Variants in ENTHD1 observed in about 807,000 individuals in gnomAD.
The protein encoded by ENTHD1 is ENTH domain-containing protein 1.
In ENTHD1, 23 loss-of-function variants were observed where a neutral mutation model predicts 39.1. The observed-to-expected ratio is 0.59, with a 90% CI of 0.42 to 0.83. The LOEUF (loss-of-function observed/expected upper bound fraction) is 0.83, where lower values mean the gene tolerates loss of function less well. Among genes scored for constraint, ENTHD1 ranks in the 40% least tolerant of loss-of-function variants. The probability of loss-of-function intolerance (pLI) is 0.00; values close to 1 mark genes in which losing one functional copy is unlikely to be tolerated. For missense variants in ENTHD1, 624 were observed against 705.4 expected, an observed-to-expected ratio of 0.88 and a Z score of 1.31; for synonymous variants, 230 against 258.2, an observed-to-expected ratio of 0.89 and a Z score of 1.05.
intron 5 of ENTHD1, among the ~76,000 whole-genome samples, chr22:39,770,854 C>A (rs1299634017): frequency 6.6e-6 from 1 of 152,164 alleles, no homozygotes; most frequent in East Asian, 1.9e-4. Flanking sequence ...GGCTGAGTGT[C>A]CCATATCTGA....
intron 6 of ENTHD1, among the ~76,000 whole-genome samples, chr22:39,758,099 T>C (rs2065199164): frequency 6.6e-6 from 1 of 152,170 alleles, no homozygotes; most frequent in South Asian, 2.1e-4. Flanking sequence ...GGACAATACA[T>C]TTTTTATGCT....
intron 4 of ENTHD1, among the ~76,000 whole-genome samples, chr22:39,829,055 T>C (rs982479728): frequency 1.3e-5 from 2 of 152,364 alleles, no homozygotes; most frequent in Non-Finnish European, 1.5e-5. Flanking sequence ...ATTCTGTAGA[T>C]GTAGTACATT....
chr22:39,847,269 G>A (rs1336999208), intron 3 of ENTHD1, among the ~76,000 whole-genome samples: 9 of 148,334 alleles, frequency 6.1e-5, no homozygotes, highest in South Asian at 2.1e-4. Flanking sequence ...CTATCGCAAG[G>A]ACAAAAAACC....
At chr22:39,823,689 C>A (rs2065800722) in intron 4 of ENTHD1, among the ~76,000 whole-genome samples, 1 of 152,108 alleles carries the variant, frequency 6.6e-6, no homozygotes, top group Admixed American at 6.5e-5. Context: ...CCTAGGAGAG[C>A]AATTGCTGTT....
At chr22:39,750,993 CATAA>C (rs2065143163) in intron 6 of ENTHD1, 1 of 153,430 alleles carries the variant, frequency 6.5e-6, no homozygotes, top group African/African-American at 2.4e-5. Context: ...TTCTAGAGGA[CATAA>C]ATAAAGTGAA....
chr22:39,860,424 C>A (rs959287914), intron 3 of ENTHD1, among the ~76,000 whole-genome samples: 1 of 152,108 alleles, frequency 6.6e-6, no homozygotes, highest in Admixed American at 6.6e-5. Context: ...CTGTCTCTTT[C>A]GGAGATTTAT....
At chr22:39,871,830 C>T (rs2066246455) in intron 2 of ENTHD1, among the ~76,000 whole-genome samples, 1 of 152,186 alleles carries the variant, frequency 6.6e-6, no homozygotes, top group South Asian at 2.1e-4. Context: ...TTTAAATTCA[C>T]AATGATACAA....
intron 5 of ENTHD1, among the ~76,000 whole-genome samples, chr22:39,792,901 C>G (rs2065516114): frequency 1.3e-5 from 2 of 152,100 alleles, no homozygotes; most frequent in African/African-American, 4.8e-5. Context: ...CACGGGGGTG[C>G]AGGTATCATT....
chr22:39,872,889 G>T (rs904171654), intron 2 of ENTHD1, among the ~76,000 whole-genome samples: 12 of 151,222 alleles, frequency 7.9e-5, no homozygotes, highest in Non-Finnish European at 1.6e-4. Context: ...GAGTGCAGTG[G>T]CACAATCATA....
At chr22:39,841,118 A>G (rs2065941534) in intron 3 of ENTHD1, among the ~76,000 whole-genome samples, 1 of 152,208 alleles carries the variant, frequency 6.6e-6, no homozygotes, top group African/African-American at 2.4e-5. Flanking sequence ...AGCTTACAGA[A>G]AAGTAACAAG....
At chr22:39,823,031 T>C (rs1379517519) in intron 4 of ENTHD1, among the ~76,000 whole-genome samples, 3 of 152,218 alleles carry the variant, frequency 2.0e-5, no homozygotes, top group Non-Finnish European at 2.9e-5. Context: ...TTCATAGACA[T>C]ACACTCCCTC....
chr22:39,844,235 T>A (rs1353100765), intron 3 of ENTHD1, among the ~76,000 whole-genome samples: 1 of 152,132 alleles, frequency 6.6e-6, no homozygotes, highest in Non-Finnish European at 1.5e-5. Flanking sequence ...TTTAAGTAGA[T>A]TTTTAAAATT....
intron 2 of ENTHD1, among the ~76,000 whole-genome samples, chr22:39,882,389 C>T (rs137947): frequency 0.27 from 41,270 of 151,840 alleles, 7,619 homozygotes; most frequent in African/African-American, 0.53. Flanking sequence ...ACATGGACAG[C>T]GATAAAAAAA....
chr22:39,806,419 C>T (rs867950065), intron 5 of ENTHD1, among the ~76,000 whole-genome samples: 2 of 152,126 alleles, frequency 1.3e-5, no homozygotes, highest in South Asian at 4.1e-4. Flanking sequence ...AGTGTGCTGG[C>T]CATGCTGCTC....
chr22:39,784,063 T>C (rs540874159), intron 5 of ENTHD1, among the ~76,000 whole-genome samples: 31 of 151,804 alleles, frequency 2.0e-4, no homozygotes, highest in African/African-American at 7.5e-4. Flanking sequence ...CAAAAAAAGA[T>C]ATGATTAAAA....
intron 5 of ENTHD1, among the ~76,000 whole-genome samples, chr22:39,812,269 A>C (rs1006241477): frequency 1.1e-4 from 16 of 152,308 alleles, no homozygotes; most frequent in African/African-American, 3.4e-4. Context: ...GGTAACTGCA[A>C]CACTACAGCC....
At chr22:39,815,873 A>C (rs776423439) in intron 5 of ENTHD1, among the ~76,000 whole-genome samples, 5 of 152,372 alleles carry the variant, frequency 3.3e-5, no homozygotes, top group Middle Eastern at 3.4e-3. Flanking sequence ...TAAATTCATA[A>C]TGACTCTACT....
intron 6 of ENTHD1, among the ~76,000 whole-genome samples, chr22:39,757,861 G>C (rs974317840): frequency 6.6e-6 from 1 of 151,916 alleles, no homozygotes; most frequent in Non-Finnish European, 1.5e-5. Context: ...GAATTCTCAC[G>C]AGATCTGATG....
chr22:39,847,319 A>G (rs896007490), intron 3 of ENTHD1, among the ~76,000 whole-genome samples: 2 of 137,932 alleles, frequency 1.4e-5, no homozygotes, highest in Admixed American at 8.1e-5. Context: ...GAATTGAACA[A>G]TGAGAACACA....
Sources: allele counts gnomAD v4.1 joint callset (sites outside exome capture counted in the v4.1 genomes callset), GRCh38; gene constraint gnomAD v4.1.1; transcripts MANE v1.5; gene names NCBI Gene and HGNC (gene_info 2026-07-23, HGNC 2026-07-21).